The following RAD51B variants were observed in gnomAD, a reference collection of about 807,000 sequenced individuals.
RAD51B encodes RAD51 paralog B, also known as DNA repair protein RAD51 homolog 2.
Under a neutral mutation model 42.2 loss-of-function variants are expected in RAD51B, and 38 were observed. That is an observed-to-expected ratio of 0.90 (90% CI 0.70 to 1.18). The LOEUF (loss-of-function observed/expected upper bound fraction) is 1.18, where lower values mean the gene tolerates loss of function less well. Ranked by LOEUF, RAD51B falls within the 50% of genes most tolerant of loss-of-function variation. The pLI is 0.00. For missense variants in RAD51B, 373 were observed against 400.7 expected (o/e 0.93, Z 0.59); for synonymous variants, 154 against 145.2 (o/e 1.06, Z -0.43).
At chr14:68,331,891 T>G (rs1350921761) in intron 8 of RAD51B, among the ~76,000 whole-genome samples, 2 of 152,038 alleles carry the variant, frequency 1.3e-5, no homozygotes, top group Non-Finnish European at 2.9e-5. Context: ...TTGAAAGTAT[T>G]GGGGGGGTTT....
In RAD51B at chr14:67,887,157, A is replaced by G; in HGVS notation, c.709A>G (p.Arg237Gly). 6.2e-7 allele frequency: 1 copy of G among 1,612,450 alleles called. No individual in the cohort carries two copies. Among genetic ancestry groups the G allele is most frequent in the Non-Finnish European group, 8.5e-7 (1 of 1,179,032 alleles). The change falls in exon 7 of 11, where the codon AGA becomes GGA. Residue 237 changes from arginine to glycine, a missense_variant. Transcript: ENST00000471583. ...NLKERNKFLA[R>G]EASSLKYLAE... ...CAAAGAAAGAAACAAGTTCTTGGCA[A>G]GAGAGGCATCCTCCTTGAAGTATTT...
At chr14:68,526,748 G>A (rs1257518975) in intron 10 of RAD51B, among the ~76,000 whole-genome samples, 1 of 152,200 alleles carries the variant, frequency 6.6e-6, no homozygotes, top group South Asian at 2.1e-4. Flanking sequence ...TCAGCCCACT[G>A]CATGGCCCAC....
chr14:68,053,050 C>T (rs2076419418), intron 7 of RAD51B, among the ~76,000 whole-genome samples: 1 of 152,162 alleles, frequency 6.6e-6, no homozygotes, highest in Non-Finnish European at 1.5e-5. Flanking sequence ...ACTTGATCTT[C>T]ATCTGCAGAA....
At chr14:68,309,033 C>T (rs966271295) in intron 8 of RAD51B, among the ~76,000 whole-genome samples, 1 of 152,200 alleles carries the variant, frequency 6.6e-6, no homozygotes, top group African/African-American at 2.4e-5. Context: ...GACCTATGAA[C>T]ATATCTTTGA....
At chr14:68,329,727 A>C (rs2082311279) in intron 8 of RAD51B, among the ~76,000 whole-genome samples, 1 of 152,204 alleles carries the variant, frequency 6.6e-6, no homozygotes, top group South Asian at 2.1e-4. Context: ...CACGCCTATA[A>C]TCCCAGCACT....
chr14:68,569,356 A>G (rs1889579780), intron 10 of RAD51B, among the ~76,000 whole-genome samples: 1 of 152,222 alleles, frequency 6.6e-6, no homozygotes, highest in Non-Finnish European at 1.5e-5. Context: ...GAAGGGCAAC[A>G]GGGTCAGCAG....
rs528739454 is a variant in RAD51B, at chr14:68,041,563, CT to C, written c.756+154371del. On this transcript the variant is annotated intron_variant, in intron 7 of 10. Transcript: ENST00000471583. ...GCCTGAGGGTCAACATTTATACTCT[CT>C]TTTTTTTTTTTAATCCTTGTTTTCT... is the stretch of plus-strand genomic sequence containing the variant. 5.2e-3 allele frequency among the ~76,000 whole-genome samples: 755 copies of C among 145,242 alleles called. 2 individuals are homozygous for C. The highest frequency in any genetic ancestry group is 0.014 in the African/African-American group (541 of 39,958).
chr14:68,461,266 C>T (rs2085837244), intron 9 of RAD51B, among the ~76,000 whole-genome samples: 1 of 148,804 alleles, frequency 6.7e-6, no homozygotes, highest in African/African-American at 2.5e-5. Context: ...TTGCGAACAG[C>T]TGAGGCAGCC....
At chr14:68,423,938 C>G (rs1413002144) in intron 9 of RAD51B, among the ~76,000 whole-genome samples, 1 of 152,234 alleles carries the variant, frequency 6.6e-6, no homozygotes, top group African/African-American at 2.4e-5. Flanking sequence ...AGGGGAAGTT[C>G]TGGTTCTTCT....
chr14:68,656,688 G>A (rs4902627), intron 11 of RAD51B, among the ~76,000 whole-genome samples: 103,896 of 151,998 alleles, frequency 0.68, 36,661 homozygotes, highest in African/African-American at 0.74. Context: ...GGCCTGCCTG[G>A]GCGGGTGACT....
At chr14:68,625,696 C>T (rs1892062519) in intron 10 of RAD51B, among the ~76,000 whole-genome samples, 1 of 152,208 alleles carries the variant, frequency 6.6e-6, no homozygotes, top group African/African-American at 2.4e-5. Context: ...TGTTAAACAT[C>T]CATGTCCCTA....
intron 5 of RAD51B, among the ~76,000 whole-genome samples, chr14:67,884,342 G>A (rs1167984291): frequency 6.6e-6 from 1 of 152,112 alleles, no homozygotes; most frequent in Non-Finnish European, 1.5e-5. Context: ...ATTGTCAGCT[G>A]TTCAGTTCTT....
intron 7 of RAD51B, among the ~76,000 whole-genome samples, chr14:68,214,606 A>T (rs1390839538): frequency 6.6e-6 from 1 of 152,214 alleles, no homozygotes; most frequent in Non-Finnish European, 1.5e-5. Context: ...GCAATGAGAG[A>T]TGATCAGTGT....
At chr14:68,597,912 G>A (rs575231530), downstream of RAD51B, among the ~76,000 whole-genome samples, 10 of 151,926 alleles carry the variant, frequency 6.6e-5, no homozygotes, top group African/African-American at 2.2e-4. Context: ...AATGATTGAT[G>A]CTGAAATGGA....
chr14:67,954,734 G>A (rs1256069492), intron 7 of RAD51B, among the ~76,000 whole-genome samples: 3 of 152,148 alleles, frequency 2.0e-5, no homozygotes, highest in Admixed American at 6.6e-5. Context: ...GATCACTAGG[G>A]TCAAGGGAAG....
At chr14:68,089,676 T>C (rs2077056801) in intron 7 of RAD51B, among the ~76,000 whole-genome samples, 1 of 152,178 alleles carries the variant, frequency 6.6e-6, no homozygotes, top group South Asian at 2.1e-4. Flanking sequence ...CCTCCCACCA[T>C]CCCCTTTCCC....
At chr14:68,353,997 T>G (rs1453123178) in intron 8 of RAD51B, among the ~76,000 whole-genome samples, 1 of 152,184 alleles carries the variant, frequency 6.6e-6, no homozygotes, top group African/African-American at 2.4e-5. Context: ...AAGCATATGA[T>G]CCTTTCTCAT....
chr14:68,210,890 T>C (rs1381065821), intron 7 of RAD51B, among the ~76,000 whole-genome samples: 1 of 152,168 alleles, frequency 6.6e-6, no homozygotes, highest in Non-Finnish European at 1.5e-5. Context: ...TTACAGAAAC[T>C]CCCAGGCTGA....
intron 10 of RAD51B, among the ~76,000 whole-genome samples, chr14:68,609,678 C>T (rs996810184): frequency 6.6e-6 from 1 of 152,150 alleles, no homozygotes; most frequent in African/African-American, 2.4e-5. Flanking sequence ...CCTAAAAGGG[C>T]TTCCCTTAGA....
Sources: gnomAD v4.1 joint callset for allele counts (sites outside exome capture counted in the v4.1 genomes callset) on GRCh38, gnomAD v4.1.1 for gene constraint, MANE v1.5 for transcripts, NCBI Gene and HGNC (gene_info 2026-07-23, HGNC 2026-07-21) for gene names.